The following TSPAN15 variants were observed in gnomAD, a reference collection of about 807,000 sequenced individuals.
The protein encoded by TSPAN15 is tetraspanin 15.
In TSPAN15, 20 loss-of-function variants were observed where a neutral mutation model predicts 34.5. The ratio of observed to expected loss-of-function variants is 0.58; its 90% confidence interval spans 0.41 to 0.84. The LOEUF (loss-of-function observed/expected upper bound fraction) is 0.84, where lower values mean the gene tolerates loss of function less well. Among genes scored for constraint, TSPAN15 ranks in the 40% least tolerant of loss-of-function variants. The pLI is 0.00. For synonymous variants in TSPAN15, 155 were observed against 153.9 expected, an observed-to-expected ratio of 1.01 and a Z score of -0.05; for missense variants, 313 against 386.1, an observed-to-expected ratio of 0.81 and a Z score of 1.59.
At chr10:69,480,228 C>T (rs1396473342) in intron 1 of TSPAN15, among the ~76,000 whole-genome samples, 1 of 152,186 alleles carries the variant, frequency 6.6e-6, no homozygotes, top group East Asian at 1.9e-4. Flanking sequence ...AGCAGACTAC[C>T]TTAACTCAGA....
chr10:69,458,432 T>G (rs2133060179), intron 1 of TSPAN15, among the ~76,000 whole-genome samples: 1 of 152,366 alleles, frequency 6.6e-6, no homozygotes, highest in African/African-American at 2.4e-5. Flanking sequence ...TCTGGACATC[T>G]TGTACATATA....
chr10:69,466,636 C>T (rs768311791), intron 1 of TSPAN15, among the ~76,000 whole-genome samples: 1 of 152,000 alleles, frequency 6.6e-6, no homozygotes, highest in African/African-American at 2.4e-5. Flanking sequence ...CACGTGGAGA[C>T]GTGATAGGAG....
At chr10:69,481,481 C>T (rs529808861) in intron 1 of TSPAN15, among the ~76,000 whole-genome samples, 6 of 152,204 alleles carry the variant, frequency 3.9e-5, no homozygotes, top group Admixed American at 2.0e-4. Flanking sequence ...TTGGCATCCC[C>T]GTCACGCATC....
chr10:69,473,474 G>A (rs1373887478), intron 1 of TSPAN15, among the ~76,000 whole-genome samples: 2 of 152,100 alleles, frequency 1.3e-5, no homozygotes, highest in Admixed American at 6.5e-5. Context: ...GGGTGGGAGA[G>A]CAGAAGGCAG....
At chr10:69,546,462 C>T in the TSPAN15 span, among the ~76,000 whole-genome samples, 22 of 152,338 alleles carry the variant, frequency 1.4e-4, 2 homozygotes, top group South Asian at 3.1e-3. Context: ...GGGACACATT[C>T]ATCTGGATAA....
At chr10:69,545,772 T>C in the TSPAN15 span, among the ~76,000 whole-genome samples, 1 of 151,910 alleles carries the variant, frequency 6.6e-6, no homozygotes, top group Non-Finnish European at 1.5e-5. Flanking sequence ...CTGGCCAACA[T>C]GGTGAAACCT....
the TSPAN15 span, among the ~76,000 whole-genome samples, chr10:69,539,546 AGAAGG>A: frequency 2.1e-4 from 15 of 72,002 alleles, no homozygotes; most frequent in African/African-American, 6.5e-4. Flanking sequence ...AAGGAGAAGG[AGAAGG>A]AGAAGGAGAA....
chr10:69,507,968 C>T (rs993860147), downstream of TSPAN15, among the ~76,000 whole-genome samples: 2 of 152,082 alleles, frequency 1.3e-5, no homozygotes, highest in Non-Finnish European at 2.9e-5. Flanking sequence ...GTCCACCTAC[C>T]GCGCTCCCTG....
intron 1 of TSPAN15, among the ~76,000 whole-genome samples, chr10:69,467,435 C>T (rs1269407965): frequency 2.6e-5 from 4 of 152,246 alleles, no homozygotes; most frequent in South Asian, 2.1e-4. Context: ...CAAAGGAAGA[C>T]GCAAACCTGT....
At chr10:69,458,467 A>T (rs1841164310) in intron 1 of TSPAN15, among the ~76,000 whole-genome samples, 1 of 152,148 alleles carries the variant, frequency 6.6e-6, no homozygotes, top group South Asian at 2.1e-4. Flanking sequence ...TTCTTTAATT[A>T]TCTTTCTTAT....
At chr10:69,503,499 A>G (rs1222791228) in intron 5 of TSPAN15, among the ~76,000 whole-genome samples, 1 of 152,198 alleles carries the variant, frequency 6.6e-6, no homozygotes, top group African/African-American at 2.4e-5. Context: ...ACAAATATGT[A>G]TTGAGTACCT....
At chr10:69,508,440 CAAAAAAAAAAAAAAAAAAAAAAA>C (rs71009229), downstream of TSPAN15, among the ~76,000 whole-genome samples, 2,030 of 62,456 alleles carry the variant, frequency 0.033, 57 homozygotes, top group Non-Finnish European at 0.043. Context: ...GACTCCATCT[CAAAAAAAAAAAAAAAAAAAAAAA>C]AAAAAAAGAA....
rs1301308954 is a variant in TSPAN15 at position 69,507,118 on chromosome 10, T to C, written c.*140T>C. On this transcript the variant is annotated 3_prime_UTR_variant, in exon 8 of 8. Transcript: ENST00000373290. ...AGCCAGGGCTGTGTGTGCCTGTGTG[T>C]AGGTCCCACGGCCTCTGCCTCCCCA... is the stretch of plus-strand genomic sequence containing the variant. The C allele has an allele frequency of 2.7e-6, 4 of 1,470,650 alleles. No individual in the cohort carries two copies. Among genetic ancestry groups the C allele is most frequent in the Non-Finnish European group, 3.6e-6 (4 of 1,115,030 alleles). The allele number at this position is 1,470,650 out of a possible 1,614,324, so 91.1% of individuals were successfully genotyped here.
At chr10:69,539,397 AGAAGAG>A in the TSPAN15 span, among the ~76,000 whole-genome samples, 29 of 87,160 alleles carry the variant, frequency 3.3e-4, 3 homozygotes, top group Non-Finnish European at 6.4e-4. Flanking sequence ...AGGAAGAGGA[AGAAGAG>A]GAAGAGGAAG....
intron 3 of TSPAN15, among the ~76,000 whole-genome samples, chr10:69,491,387 A>T (rs1277893364): frequency 6.6e-6 from 1 of 152,130 alleles, no homozygotes; most frequent in Admixed American, 6.5e-5. Context: ...TGTTTTTGAG[A>T]CAGTCTTGCT....
chr10:69,496,960 A>C (rs1391438914), intron 4 of TSPAN15, among the ~76,000 whole-genome samples: 1 of 152,192 alleles, frequency 6.6e-6, no homozygotes, highest in African/African-American at 2.4e-5. Context: ...CTGAATGGGC[A>C]CTTGCTTGGT....
Position 69,507,285 on chromosome 10 carries a change from GC to G in TSPAN15, c.*310del, listed in dbSNP as rs938945237. On this transcript the variant is annotated 3_prime_UTR_variant, in exon 8 of 8. Transcript: ENST00000373290. ...GGGAGAGCCTGAGGCTCTGCTCAGG[GC>G]CCATTTCATCTCTGGCAGTGCCTTG... The G allele has an allele frequency of 3.8e-6, 5 of 1,308,824 alleles. No individual in the cohort carries two copies. The African/African-American group carries it at 7.5e-5, about 20-fold the overall frequency. 81.1% of individuals were successfully genotyped at this position (1,308,824 alleles called of 1,614,324 possible). A position where few individuals can be genotyped will look rare whatever the true frequency, so the allele number is the denominator to read the frequency against.
At chr10:69,544,396 G>A in the TSPAN15 span, among the ~76,000 whole-genome samples, 1 of 152,280 alleles carries the variant, frequency 6.6e-6, no homozygotes, top group South Asian at 2.1e-4. Flanking sequence ...GTGGAGGGTG[G>A]GAGTGATGGG....
the TSPAN15 span, among the ~76,000 whole-genome samples, chr10:69,532,274 A>G: frequency 1.3e-5 from 2 of 152,254 alleles, no homozygotes; most frequent in African/African-American, 4.8e-5. Context: ...ACCTGATTTC[A>G]AACTATACTA....
Sources: gnomAD v4.1 joint callset for allele counts (sites outside exome capture counted in the v4.1 genomes callset) on GRCh38, gnomAD v4.1.1 for gene constraint, MANE v1.5 for transcripts, NCBI Gene and HGNC (gene_info 2026-07-23, HGNC 2026-07-21) for gene names.